Variants in XPR1 observed in about 807,000 individuals in gnomAD.
XPR1 encodes solute carrier family 53 member 1.
A neutral mutation model predicts 87.5 loss-of-function variants in XPR1; 28 were observed. That is an observed-to-expected ratio of 0.32 (90% confidence interval 0.24 to 0.44). The LOEUF (loss-of-function observed/expected upper bound fraction) is 0.44, where lower values mean the gene tolerates loss of function less well. Among genes scored for constraint, XPR1 ranks in the 20% least tolerant of loss-of-function variants. The pLI, the probability that XPR1 is intolerant of heterozygous loss-of-function variation, is 1.00. For synonymous variants in XPR1, 300 were observed against 306.1 expected (o/e 0.98, Z 0.21); for missense variants, 559 against 862.3 (o/e 0.65, Z 4.41).
intron 1 of XPR1, among the ~76,000 whole-genome samples, chr1:180,660,743 G>A (rs1363363634): frequency 1.4e-5 from 2 of 143,644 alleles, no homozygotes; most frequent in Non-Finnish European, 3.1e-5. Context: ...TTGAATGTTT[G>A]AAGACTTATT....
At chr1:180,688,075 G>A (rs547150346) in intron 2 of XPR1, among the ~76,000 whole-genome samples, 18 of 138,630 alleles carry the variant, frequency 1.3e-4, no homozygotes, top group African/African-American at 5.1e-4. Context: ...TTTTGAGACA[G>A]TGTCTTGCTC....
At chr1:180,697,348 C>T (rs1325329917) in intron 2 of XPR1, among the ~76,000 whole-genome samples, 1 of 151,542 alleles carries the variant, frequency 6.6e-6, no homozygotes, top group African/African-American at 2.4e-5. Flanking sequence ...TTATATGGGT[C>T]TTCTTTTTTT....
rs747173583 is a variant in XPR1, at chr1:180,863,843, T to C, written c.1637T>C (p.Phe546Ser). 1 of 1,605,550 alleles carries C rather than the reference T, an allele frequency of 6.2e-7. No individual in the cohort carries two copies. Among genetic ancestry groups the C allele is most frequent in the Non-Finnish European group, 8.5e-7 (1 of 1,177,548 alleles). The change falls in exon 12 of 15, where the codon TTC (phenylalanine) becomes TCC (serine). Residue 546 changes from phenylalanine (F) to serine (S), a missense_variant. By Grantham distance (155) the Phe-to-Ser change is radical (BLOSUM62 -2). Around this residue, in one of 7 missense-constraint regions of XPR1, gnomAD observed 264 missense variants for 377.2 expected, o/e 0.70. Transcript: ENST00000367590. ...GATAAGAATGCTGGAGAGAACACTT[T>C]CCTCCGGGAAGAGATTGTATACCCC... ...LFDKNAGENTFLREEIVYPQK... is the reference protein window; with the variant it reads ...LFDKNAGENTSLREEIVYPQK...
intron 4 of XPR1, 65 bp downstream of exon 4, chr1:180,803,676 G>A (rs946877755): frequency 3.7e-6 from 5 of 1,357,228 alleles, no homozygotes; most frequent in Admixed American, 3.9e-5. Flanking sequence ...ATAAATGGAA[G>A]TACCCTAAAG....
intron 12 of XPR1, among the ~76,000 whole-genome samples, chr1:180,867,110 A>G (rs1652423885): frequency 1.5e-5 from 1 of 67,162 alleles, no homozygotes; most frequent in African/African-American, 6.4e-5. Flanking sequence ...ATGGTTTCCA[A>G]TTTCATCCAT....
intron 11 of XPR1, among the ~76,000 whole-genome samples, chr1:180,845,140 A>C (rs1651634535): frequency 6.6e-6 from 1 of 152,212 alleles, no homozygotes; most frequent in Non-Finnish European, 1.5e-5. Flanking sequence ...TAAAAACAGA[A>C]ATATAAATTA....
chr1:180,811,416 G>T lies in XPR1; in HGVS notation c.691G>T (p.Ala231Ser). 6.2e-7 allele frequency: 1 copy of T among 1,613,170 alleles called. No individual in the cohort carries two copies. Among genetic ancestry groups the T allele is most frequent in the Non-Finnish European group, 8.5e-7 (1 of 1,179,568 alleles). The change falls in exon 7 of 15, where the codon GCA becomes TCA. Residue 231 changes from alanine to serine, a missense_variant. Physicochemically the swap from Ala to Ser is moderately conservative, Grantham distance 99. Coordinates refer to ENST00000367590, the MANE Select transcript of XPR1 (RefSeq NM_004736.4). Reference sequence around the variant, plus strand: ...ATTTTTCTGTCCACAGCCTGCACCAGCATGGACTACTTTTAGAGTTGGCCT... The same window carrying T: ...ATTTTTCTGTCCACAGCCTGCACCATCATGGACTACTTTTAGAGTTGGCCT... The part of the protein sequence containing the change: ...PPLGAAQPAP[A>S]WTTFRVGLFC...
At chr1:180,773,775 T>G (rs1648608046) in intron 2 of XPR1, among the ~76,000 whole-genome samples, 1 of 152,172 alleles carries the variant, frequency 6.6e-6, no homozygotes, top group Admixed American at 6.5e-5. Context: ...AGCTATAAAG[T>G]ATGCTTCAGT....
intron 2 of XPR1, among the ~76,000 whole-genome samples, chr1:180,732,843 A>T (rs1251359851): frequency 6.6e-6 from 1 of 152,220 alleles, no homozygotes. Flanking sequence ...GAAGAATCGG[A>T]TCACACTTGG....
rs956552970 is a variant in XPR1, at chr1:180,884,661, T to C, written c.*595T>C. ...AGGGTTGCTGGGTGGGTGGGAAATA[T>C]GATGTATTTGTTACACATAGTTTTC... On this transcript the variant is annotated 3_prime_UTR_variant, in exon 15 of 15. Coordinates refer to ENST00000367590, the MANE Select transcript of XPR1 (RefSeq NM_004736.4). The C allele has an allele frequency of 2.0e-5, 3 of 152,668 alleles. No homozygotes were observed. The highest frequency in any genetic ancestry group is 6.5e-5 in the Admixed American group (1 of 15,282). The allele number at this position is 152,668 out of a possible 1,614,324, so 9.5% of individuals were successfully genotyped here.
chr1:180,634,968 C>T (rs972570885), intron 1 of XPR1, among the ~76,000 whole-genome samples: 3 of 151,870 alleles, frequency 2.0e-5, no homozygotes, highest in African/African-American at 7.3e-5. Flanking sequence ...TATATAGGGC[C>T]AGAGCTTTTC....
rs1654595994 is a variant in XPR1, at chr1:180,632,068, T to C, written c.-134T>C. The C allele has an allele frequency of 1.9e-6, 2 of 1,046,556 alleles. No individual in the cohort carries two copies. The highest frequency in any genetic ancestry group is 4.0e-5 in the Admixed American group (2 of 49,992). 64.8% of individuals were successfully genotyped at this position (1,046,556 alleles called of 1,614,324 possible). On this transcript the variant is annotated 5_prime_UTR_variant, in exon 1 of 15. Coordinates refer to ENST00000367590, the MANE Select transcript of XPR1 (RefSeq NM_004736.4). ...GCGGGCGGGCTGCTCTGAAGAGACC[T>C]CGGCGGCGGCGGAGGAGGAGAGAAG...
At chr1:180,821,402 CATCT>C (rs1253812553) in intron 7 of XPR1, among the ~76,000 whole-genome samples, 4 of 152,156 alleles carry the variant, frequency 2.6e-5, no homozygotes, top group African/African-American at 9.7e-5. Flanking sequence ...CTATTCCATT[CATCT>C]ATATGTCTGT....
At chr1:180,785,606 A>G (rs1398874026) in intron 2 of XPR1, among the ~76,000 whole-genome samples, 1 of 152,060 alleles carries the variant, frequency 6.6e-6, no homozygotes, top group Non-Finnish European at 1.5e-5. Context: ...TGATACTATA[A>G]ATAGTTGATG....
intron 7 of XPR1, among the ~76,000 whole-genome samples, chr1:180,813,260 C>T (rs1253037649): frequency 6.6e-6 from 1 of 152,152 alleles, no homozygotes; most frequent in Non-Finnish European, 1.5e-5. Context: ...ATGCATCAAG[C>T]TCATTCTAAT....
chr1:180,669,986 A>G (rs941637507), intron 1 of XPR1, among the ~76,000 whole-genome samples: 1 of 152,162 alleles, frequency 6.6e-6, no homozygotes, highest in African/African-American at 2.4e-5. Flanking sequence ...TGTAAATGTT[A>G]TATTTTCTTG....
intron 1 of XPR1, among the ~76,000 whole-genome samples, chr1:180,672,191 CTT>C (rs1402564382): frequency 6.6e-6 from 1 of 152,096 alleles, no homozygotes; most frequent in African/African-American, 2.4e-5. Flanking sequence ...TTACATATAT[CTT>C]ATATATTTAA....
chr1:180,824,500 G>C (rs1045442246), intron 7 of XPR1, among the ~76,000 whole-genome samples: 5 of 152,092 alleles, frequency 3.3e-5, no homozygotes, highest in African/African-American at 9.7e-5. Context: ...AGAATCGCTT[G>C]AACCAGGGAG....
At chr1:180,759,541 T>A (rs528302836) in intron 2 of XPR1, among the ~76,000 whole-genome samples, 1 of 152,226 alleles carries the variant, frequency 6.6e-6, no homozygotes, top group Non-Finnish European at 1.5e-5. Context: ...CCTCGACACA[T>A]ACACCCTCCC....
Sources: allele counts gnomAD v4.1 joint callset (sites outside exome capture counted in the v4.1 genomes callset), GRCh38; gene constraint gnomAD v4.1.1; regional missense constraint gnomAD v4.1.1; transcripts MANE v1.5; gene names NCBI Gene and HGNC (gene_info 2026-07-23, HGNC 2026-07-21).